Variants in GNAS observed in about 807,000 individuals in gnomAD.
GNAS encodes the protein GNAS complex locus.
Under a neutral mutation model 54.5 loss-of-function variants are expected in GNAS, and 8 were observed. That is an observed-to-expected ratio of 0.15 (90% CI 0.09 to 0.26). GNAS has a LOEUF of 0.26. Ranked by LOEUF, GNAS falls within the 10% of genes least tolerant of loss-of-function variation. The pLI, the probability that GNAS is intolerant of heterozygous loss-of-function variation, is 1.00. For synonymous variants in GNAS, 204 were observed against 191.4 expected (o/e 1.07, Z -0.54); for missense variants, 170 against 529.8 (o/e 0.32, Z 6.67).
chr20:58,855,185 C>G, intron 1 of GNAS: 1 of 1,608,020 alleles, frequency 6.2e-7, no homozygotes, highest in Non-Finnish European at 8.5e-7. Context: ...AGAAGGTACC[C>G]CTGGCGGAGA....
chr20:58,896,579 C>A (rs151084352), intron 2 of GNAS, among the ~76,000 whole-genome samples: 11 of 151,866 alleles, frequency 7.2e-5, no homozygotes, highest in Non-Finnish European at 1.3e-4. Flanking sequence ...TCCCCAAGAC[C>A]CCAGATGGGG....
At chr20:58,855,605 C>T (rs956971937) in intron 1 of GNAS, 2 of 717,208 alleles carry the variant, frequency 2.8e-6, no homozygotes, top group African/African-American at 3.5e-5. Context: ...CTGGACAGGC[C>T]AGCGCCAGCA....
rs1324995645 is a variant in GNAS at position 58,905,403 on chromosome 20, G to A, written c.453G>A (p.Lys151=). Residue 151 remains lysine (K), a synonymous_variant, in exon 6 of 13, where the codon AAG becomes AAA. Coordinates refer to ENST00000371085, the MANE Select transcript of GNAS (RefSeq NM_000516.7). ...DFPPEFYEHA[K]ALWEDEGVRA... ...TTCAGGAATTCTATGAGCATGCCAA[G>A]GCTCTGTGGGAGGATGAAGGAGTGC... The A allele has an allele frequency of 6.2e-6, 10 of 1,603,524 alleles. No individual in the cohort carries two copies. The highest frequency in any genetic ancestry group is 8.5e-6 in the Non-Finnish European group (10 of 1,170,348).
At chr20:58,889,800 G>GAA, upstream of GNAS, among the ~76,000 whole-genome samples, 1 of 151,232 alleles carries the variant, frequency 6.6e-6, no homozygotes, top group South Asian at 2.1e-4. Context: ...GGGCGCACGG[G>GAA]GGCCGGGCAG....
At chr20:58,893,066 CTTTTTTTTTTT>C (rs869179421) in intron 1 of GNAS, among the ~76,000 whole-genome samples, 4,129 of 103,160 alleles carry the variant, frequency 0.04, 96 homozygotes, top group African/African-American at 0.047. Context: ...GGCGTGGTTT[CTTTTTTTTTTT>C]TTTTTTTTTT....
chr20:58,904,553 C>T (rs1414314312), intron 5 of GNAS, among the ~76,000 whole-genome samples: 1 of 152,106 alleles, frequency 6.6e-6, no homozygotes, highest in Non-Finnish European at 1.5e-5. Context: ...GAACGGGAAA[C>T]GAGATGGAAA....
chr20:58,878,137 CA>C (rs2087956471), intron 1 of GNAS, among the ~76,000 whole-genome samples: 1 of 152,172 alleles, frequency 6.6e-6, no homozygotes, highest in African/African-American at 2.4e-5. Context: ...ACGCAGAGCA[CA>C]AGAGATGATG....
At chr20:58,886,377 A>C (rs187081932), upstream of GNAS, among the ~76,000 whole-genome samples, 17 of 152,344 alleles carry the variant, frequency 1.1e-4, no homozygotes, top group East Asian at 3.3e-3. Flanking sequence ...GCATGAAGCA[A>C]GTCTCCTGAG....
At chr20:58,890,157 A>G (rs537652385), upstream of GNAS, among the ~76,000 whole-genome samples, 9 of 151,820 alleles carry the variant, frequency 5.9e-5, no homozygotes, top group South Asian at 2.1e-4. Flanking sequence ...AAAGGAGGAG[A>G]AGAAGAAGGA....
chr20:58,845,887 C>A (rs189268123), intron 1 of GNAS, among the ~76,000 whole-genome samples: 1 of 152,178 alleles, frequency 6.6e-6, no homozygotes, highest in Non-Finnish European at 1.5e-5. Flanking sequence ...CAACTATTCC[C>A]GGGTAGAAAT....
chr20:58,862,133 T>C (rs1010626544), intron 1 of GNAS, among the ~76,000 whole-genome samples: 1 of 151,824 alleles, frequency 6.6e-6, no homozygotes, highest in African/African-American at 2.4e-5. Context: ...CCCCAAAACA[T>C]GTTTTGGGTT....
upstream of GNAS, chr20:58,889,013 C>T (rs1341558445): frequency 2.0e-5 from 19 of 965,552 alleles, no homozygotes; most frequent in Admixed American, 9.4e-4. Flanking sequence ...CCGGCACCGG[C>T]CTGCACCCCC....
chr20:58,898,786 G>A, intron 2 of GNAS, 155 bp from the exon 3 acceptor site: 1 of 764,280 alleles, frequency 1.3e-6, no homozygotes, highest in Non-Finnish European at 2.4e-6. Flanking sequence ...AGCCAGAAAG[G>A]CGACCTAAGA....
At chr20:58,890,239 C>T (rs935569983), upstream of GNAS, among the ~76,000 whole-genome samples, 2 of 151,228 alleles carry the variant, frequency 1.3e-5, no homozygotes, top group African/African-American at 4.8e-5. Context: ...CAGGAGGAGG[C>T]CCGATGCCCC....
chr20:58,898,971 G>A lies in GNAS; in HGVS notation c.243G>A (p.Arg81=). The change falls in exon 3 of 13, where the codon AGG becomes AGA. Residue 81 remains arginine (R), a synonymous_variant. Transcript: ENST00000371085. ...EGGEEDPQAA[R]SNSDGEKATK... ...GCGAAGAGGACCCGCAGGCTGCAAGGAGCAACAGCGATGGGTAGGCACATT... is the reference window on the plus strand; with the variant it reads ...GCGAAGAGGACCCGCAGGCTGCAAGAAGCAACAGCGATGGGTAGGCACATT... 6.2e-7 allele frequency: 1 copy of A among 1,613,698 alleles called. No individual in the cohort carries two copies. Among genetic ancestry groups the A allele is most frequent in the Non-Finnish European group, 8.5e-7 (1 of 1,179,608 alleles).
chr20:58,878,557 A>G (rs2087992003), intron 1 of GNAS, among the ~76,000 whole-genome samples: 1 of 152,188 alleles, frequency 6.6e-6, no homozygotes, highest in Non-Finnish European at 1.5e-5. Context: ...GTGAGGCAGT[A>G]CTGCAGGGAT....
At chr20:58,854,659 C>T (rs1255561531) in intron 1 of GNAS, 1 of 1,529,932 alleles carries the variant, frequency 6.5e-7, no homozygotes, top group East Asian at 2.5e-5. Context: ...CCAGCCGATC[C>T]AGATGCCGGG....
rs186004265 is a variant in GNAS, at chr20:58,841,349, G to A, written c.43+463G>A. 443 of 1,051,230 alleles carry A rather than the reference G, an allele frequency of 4.2e-4. 3 individuals are homozygous for A. The African/African-American group carries it at 7.2e-3, about 17-fold the overall frequency. 65.1% of individuals were successfully genotyped at this position (1,051,230 alleles called of 1,614,324 possible). Reference sequence around the variant, plus strand: ...CAACTTTCACGATGTGAGAGCAGCCGCGCTGTAGAGACACCGTTGAAATGT... The same window carrying A: ...CAACTTTCACGATGTGAGAGCAGCCACGCTGTAGAGACACCGTTGAAATGT... On this transcript the variant is annotated intron_variant, in intron 1 of 12. Coordinates refer to the GNAS transcript ENST00000306090. This position sits in a 1 kb window ranked among gnomAD's most constrained non-coding sequence, Gnocchi z 5.0.
Position 58,894,558 on chromosome 20 carries a change from AAAC to A in GNAS, c.140-1053_140-1051del, listed in dbSNP as rs1394247481. On this transcript the variant is annotated intron_variant, in intron 1 of 12. Coordinates refer to ENST00000371085, the MANE Select transcript of GNAS (RefSeq NM_000516.7). ...AGATTTGTGTGGAAGGAGGGCAAAAAAACTTCACACGTGGATTATCTGTTGGAG... is the reference window on the plus strand; with the variant it reads ...AGATTTGTGTGGAAGGAGGGCAAAAATTCACACGTGGATTATCTGTTGGAG... 2.0e-5 allele frequency among the ~76,000 whole-genome samples: 3 copies of A among 152,254 alleles called. No homozygotes were observed. In the East Asian group the frequency reaches 5.8e-4, roughly 29 times the overall value.
Sources: allele counts gnomAD v4.1 joint callset (sites outside exome capture counted in the v4.1 genomes callset), GRCh38; gene constraint gnomAD v4.1.1; non-coding constraint Gnocchi (gnomAD v3.1); transcripts MANE v1.5; gene names NCBI Gene and HGNC (gene_info 2026-07-23, HGNC 2026-07-21).